The following PLXND1 variants were observed in gnomAD, a reference collection of about 807,000 sequenced individuals.
PLXND1 encodes the protein plexin D1.
Under a neutral mutation model 197.7 loss-of-function variants are expected in PLXND1, and 54 were observed. That is an observed-to-expected ratio of 0.27 (90% CI 0.22 to 0.34). The LOEUF (loss-of-function observed/expected upper bound fraction) is 0.34. Among genes scored for constraint, PLXND1 ranks in the 10% least tolerant of loss-of-function variants. PLXND1 has a pLI of 1.00. For synonymous variants in PLXND1, 1,180 were observed against 1,161.2 expected, an observed-to-expected ratio of 1.02 and a Z score of -0.33; for missense variants, 2,127 against 2,699.2, an observed-to-expected ratio of 0.79 and a Z score of 4.70.
intron 1 of PLXND1, among the ~76,000 whole-genome samples, chr3:129,594,671 C>T (rs1430202889): frequency 6.6e-6 from 1 of 152,040 alleles, no homozygotes; most frequent in African/African-American, 2.4e-5. Flanking sequence ...AGAAAGCAGA[C>T]GTTTGTGGAG....
At chr3:129,587,309 T>C (rs949772870) in intron 2 of PLXND1, among the ~76,000 whole-genome samples, 3 of 152,174 alleles carry the variant, frequency 2.0e-5, no homozygotes, top group Non-Finnish European at 2.9e-5. Context: ...ATCACAAGGC[T>C]ACAATGCAAT....
Position 129,558,392 on chromosome 3 carries a change from G to A in PLXND1, c.5445+36C>T, listed in dbSNP as rs760904241. ...ATGGTCGGCACCCCACTCTGGCCCT[G>A]TGCATGGGCCTGGCCTGGTCCTGGG... On this transcript the variant is annotated intron_variant, in intron 33 of 35. Transcript: ENST00000324093. This position sits in a 1 kb window ranked among gnomAD's most constrained non-coding sequence, Gnocchi z 4.1. The A allele has an allele frequency of 5.0e-6, 8 of 1,599,174 alleles. No individual in the cohort carries two copies. The Admixed American group carries it at 6.7e-5, about 13-fold the overall frequency.
chr3:129,558,773 G>A lies in PLXND1; in HGVS notation c.5298-198C>T, dbSNP rs1311937799. 3.5e-6 allele frequency: 2 copies of A among 574,470 alleles called. No individual in the cohort carries two copies. The highest frequency in any genetic ancestry group is 3.0e-5 in the East Asian group (1 of 33,838). The allele number at this position is 574,470 out of a possible 1,614,324, so 35.6% of individuals were successfully genotyped here. A position where few individuals can be genotyped will look rare whatever the true frequency, so the allele number is the denominator to read the frequency against. On this transcript the variant is annotated intron_variant, in intron 32 of 35. Transcript: ENST00000324093. The surrounding 1 kb of genome is among the most constrained non-coding windows in gnomAD (Gnocchi z 4.1). ...AGTGGGGCTGAGAGCCCGGTTTCCT[G>A]CTGGAGCAAGGCAGGAGCTACAGGG...
Position 129,568,606 on chromosome 3 carries a change from T to C in PLXND1, c.3866-801A>G, listed in dbSNP as rs114703756. On this transcript the variant is annotated intron_variant, in intron 20 of 35. Coordinates refer to ENST00000324093, the MANE Select transcript of PLXND1 (RefSeq NM_015103.3). ...CTCTGGCACCCAGGCTGAAGTACAG[T>C]GGCGCGATCACATCTCACTGCAGCC... 3.2e-3 allele frequency among the ~76,000 whole-genome samples: 483 copies of C among 152,354 alleles called. 5 individuals are homozygous for C. Among genetic ancestry groups the C allele is most frequent in the African/African-American group, 0.011 (457 of 41,570 alleles).
At chr3:129,603,997 T>C (rs990778264) in intron 1 of PLXND1, among the ~76,000 whole-genome samples, 2 of 152,186 alleles carry the variant, frequency 1.3e-5, no homozygotes, top group African/African-American at 4.8e-5. Flanking sequence ...ACTATGGGGA[T>C]CAACAGACCC....
chr3:129,586,284 G>A lies in PLXND1; in HGVS notation c.1621-12C>T, dbSNP rs1179590224. 4 of 1,551,810 alleles carry A rather than the reference G, an allele frequency of 2.6e-6. No individual in the cohort carries two copies. Among genetic ancestry groups the A allele is most frequent in the South Asian group, 1.2e-5 (1 of 86,260 alleles). On this transcript the variant is annotated splice_polypyrimidine_tract_variant and intron_variant, in intron 3 of 35. Transcript: ENST00000324093. ...TTCACCCTGGCCATCTGGGGGCAGAGGTGGGGGCCCAGCTCAATGGGACTG... is the reference window on the plus strand; with the variant it reads ...TTCACCCTGGCCATCTGGGGGCAGAAGTGGGGGCCCAGCTCAATGGGACTG...
In PLXND1 at chr3:129,583,625, C is replaced by T; in HGVS notation, c.2183G>A (p.Ser728Asn). 1 of 1,613,876 alleles carries T rather than the reference C, an allele frequency of 6.2e-7. No homozygotes were observed. Among genetic ancestry groups the T allele is most frequent in the African/African-American group, 1.3e-5 (1 of 74,996 alleles). Residue 728 changes from serine (S) to asparagine (N), a missense_variant, in exon 8 of 36, where the codon AGC becomes AAC. Ser to Asn is a conservative substitution (Grantham distance 46). Transcript: ENST00000324093. ...LSAQWPCFWC[S>N]QQHSCVSNQS... is the part of the protein sequence containing the mutation. ...GTTGGAAACACAGGAGTGCTGCTGG[C>T]TGCACCAGAAACAGGGCCACTGTGC...
intron 8 of PLXND1, among the ~76,000 whole-genome samples, chr3:129,580,628 C>CA (rs1487809608): frequency 6.6e-6 from 1 of 152,016 alleles, no homozygotes; most frequent in East Asian, 1.9e-4. Context: ...TCCCCGAGGG[C>CA]CACCCCACTC....
At chr3:129,589,889 A>C (rs781309216) in intron 1 of PLXND1, among the ~76,000 whole-genome samples, 14 of 152,150 alleles carry the variant, frequency 9.2e-5, no homozygotes, top group Non-Finnish European at 1.8e-4. Flanking sequence ...ACAGCTGGGA[A>C]GAGCAGAGGA....
At chr3:129,566,666 T>C in intron 22 of PLXND1, 35 bp from the exon 23 acceptor site, 1 of 1,322,244 alleles carries the variant, frequency 7.6e-7, no homozygotes, top group South Asian at 1.3e-5. Flanking sequence ...TCAGCGGGGC[T>C]GGACACCCCC....
intron 2 of PLXND1, 42 bp downstream of exon 2, chr3:129,589,309 C>CT (rs1397884222): frequency 4.7e-5 from 30 of 643,962 alleles, no homozygotes; most frequent in Middle Eastern, 9.0e-4. Context: ...CCAGGGGAGC[C>CT]TCCCACCCCC....
chr3:129,585,912 CCT>C (rs1560075969), intron 5 of PLXND1, 38 bp downstream of exon 5: 1 of 1,612,406 alleles, frequency 6.2e-7, no homozygotes, highest in African/African-American at 1.3e-5. Flanking sequence ...GGGAGGCTCC[CCT>C]GTGTCCCGAG....
chr3:129,574,633 G>T (rs1234146116), intron 11 of PLXND1, 143 bp from the exon 12 acceptor site: 6 of 856,166 alleles, frequency 7.0e-6, no homozygotes, highest in African/African-American at 1.7e-5. Flanking sequence ...TGATTCTGGG[G>T]GTCAGGATCC....
intron 8 of PLXND1, among the ~76,000 whole-genome samples, chr3:129,583,296 A>G (rs961892186): frequency 6.6e-6 from 1 of 152,218 alleles, no homozygotes; most frequent in Admixed American, 6.5e-5. Flanking sequence ...TACCAGCCCA[A>G]CAGGTCATTT....
rs776373256 is a variant in PLXND1 at position 129,584,373 on chromosome 3, CAGCGTGCTTA to C, written c.2029+2_2029+11del. 1 of 1,610,338 alleles carries C rather than the reference CAGCGTGCTTA, an allele frequency of 6.2e-7. No homozygotes were observed. The highest frequency in any genetic ancestry group is 1.1e-5 in the South Asian group (1 of 90,516). The stretch of plus-strand genomic sequence containing the variant: ...CCCCTCTGGGGCTGTGCCAACAGCA[CAGCGTGCTTA>C]CCCTGGTTGGGGGGGAAGGGCGGAA... On this transcript the variant is annotated splice_donor_variant and splice_donor_5th_base_variant and intron_variant, in intron 6 of 35. Coordinates refer to ENST00000324093, the MANE Select transcript of PLXND1 (RefSeq NM_015103.3). LOFTEE classifies it high-confidence loss of function.
chr3:129,603,072 G>A (rs2085733380), intron 1 of PLXND1, among the ~76,000 whole-genome samples: 1 of 152,208 alleles, frequency 6.6e-6, no homozygotes, highest in South Asian at 2.1e-4. Context: ...CATGCTAGAG[G>A]CCCAGACCGG....
chr3:129,594,991 A>G (rs76837108), intron 1 of PLXND1, among the ~76,000 whole-genome samples: 5,613 of 152,060 alleles, frequency 0.037, 147 homozygotes, highest in South Asian at 0.068. Context: ...GCCCCACTCA[A>G]TCTGGCCCTG....
At chr3:129,563,573 A>G (rs2085094247) in intron 25 of PLXND1, among the ~76,000 whole-genome samples, 1 of 152,238 alleles carries the variant, frequency 6.6e-6, no homozygotes, top group South Asian at 2.1e-4. Flanking sequence ...CAGGGCAGGA[A>G]TCGGACCTGG....
At position 129,571,754 on chromosome 3, in the gene PLXND1, G is replaced by A. The variant is rs147746922; in HGVS notation, c.3168C>T (p.Cys1056=). Residue 1056 remains cysteine (C), a synonymous_variant, in exon 16 of 36, where the codon TGC becomes TGT. Coordinates refer to ENST00000324093, the MANE Select transcript of PLXND1 (RefSeq NM_015103.3). ...PVCVRFERRG[C]VHGNLTFWYM... is the part of the protein sequence containing the mutation. ...ACCAGAAGGTGAGGTTGCCGTGCAC[G>A]CAGCCCCGACGCTCGAAGCGCACAC... 20 of 1,613,346 alleles carry A rather than the reference G, an allele frequency of 1.2e-5. No homozygotes were observed. Among genetic ancestry groups the A allele is most frequent in the African/African-American group, 6.7e-5 (5 of 75,024 alleles).
Sources: allele counts gnomAD v4.1 joint callset (sites outside exome capture counted in the v4.1 genomes callset), GRCh38; gene constraint gnomAD v4.1.1; non-coding constraint Gnocchi (gnomAD v3.1); transcripts MANE v1.5; gene names NCBI Gene and HGNC (gene_info 2026-07-23, HGNC 2026-07-21).